TSC22D4: variants seen among roughly 807,000 people sequenced by gnomAD.
TSC22D4 encodes TSC22 domain family protein 4.
In TSC22D4, 5 loss-of-function variants were observed where a neutral mutation model predicts 24.9. The observed-to-expected ratio is 0.20, with a 90% confidence interval of 0.10 to 0.42. TSC22D4 has a LOEUF of 0.42. Among genes scored for constraint, TSC22D4 ranks in the 10% least tolerant of loss-of-function variants. The pLI, the probability that TSC22D4 is intolerant of heterozygous loss-of-function variation, is 1.00. For missense variants in TSC22D4, 469 were observed against 547.9 expected, an observed-to-expected ratio of 0.86 and a Z score of 1.44; for synonymous variants, 245 against 243.2, an observed-to-expected ratio of 1.01 and a Z score of -0.07.
At chr7:100,467,755 C>T (rs773270834) in intron 3 of TSC22D4, 155 bp from the exon 4 acceptor site, 22 of 827,988 alleles carry the variant, frequency 2.7e-5, no homozygotes, top group Middle Eastern at 4.4e-4. Flanking sequence ...GGTTGAAGGC[C>T]GCTGCCCAGG....
In TSC22D4 at chr7:100,466,630, C is replaced by T; in HGVS notation, c.*329G>A. The T allele has an allele frequency of 2.8e-6, 1 of 359,180 alleles. No homozygotes were observed. Among genetic ancestry groups the T allele is most frequent in the Non-Finnish European group, 5.1e-6 (1 of 197,572 alleles). The allele number at this position is 359,180 out of a possible 1,614,324, so 22.2% of individuals were successfully genotyped here. A position where few individuals can be genotyped will look rare whatever the true frequency, so the allele number is the denominator to read the frequency against. On this transcript the variant is annotated 3_prime_UTR_variant, in exon 5 of 5. Transcript: ENST00000300181. ...TCCCCTGGGCAGAGGAGAGGAGGCA[C>T]CTCAAGGGAACAAGATGGGGGTGGG...
intron 4 of TSC22D4, 76 bp from the exon 5 acceptor site, chr7:100,467,244 T>G (rs749793659): frequency 6.9e-7 from 1 of 1,441,452 alleles, no homozygotes; most frequent in South Asian, 1.1e-5. Context: ...AGGGCTGGGG[T>G]GGGAGACAGT....
intron 3 of TSC22D4, among the ~76,000 whole-genome samples, chr7:100,471,888 T>G (rs1020276288): frequency 6.6e-6 from 1 of 152,016 alleles, no homozygotes; most frequent in African/African-American, 2.4e-5. Context: ...GATAAATAAA[T>G]GTACCTTTTC....
Position 100,478,103 on chromosome 7 carries a change from G to A in TSC22D4, c.-65C>T. 4 of 1,410,520 alleles carry A rather than the reference G, an allele frequency of 2.8e-6. No homozygotes were observed. Among genetic ancestry groups the A allele is most frequent in the Non-Finnish European group, 3.8e-6 (4 of 1,045,224 alleles). The allele number at this position is 1,410,520 out of a possible 1,614,324, so 87.4% of individuals were successfully genotyped here. A position where few individuals can be genotyped will look rare whatever the true frequency, so the allele number is the denominator to read the frequency against. Reference sequence around the variant, plus strand: ...GTTGGGGCTCCTTGAAGGGGCTCAGGCACCCCTGGAACAAGGGGGCCACAT... The same window carrying A: ...GTTGGGGCTCCTTGAAGGGGCTCAGACACCCCTGGAACAAGGGGGCCACAT... On this transcript the variant is annotated 5_prime_UTR_variant, in exon 2 of 5. Transcript: ENST00000300181.
chr7:100,472,597 G>C (rs1238642079), intron 3 of TSC22D4, among the ~76,000 whole-genome samples: 1 of 152,102 alleles, frequency 6.6e-6, no homozygotes, highest in African/African-American at 2.4e-5. Flanking sequence ...GAAACGCTGA[G>C]AATAGCAGTG....
chr7:100,477,451 T>TG lies in TSC22D4; in HGVS notation c.587dup (p.Glu197ArgfsTer3), dbSNP rs749248777. 5 of 1,563,838 alleles carry TG rather than the reference T, an allele frequency of 3.2e-6. No individual in the cohort carries two copies. The highest frequency in any genetic ancestry group is 3.5e-6 in the Non-Finnish European group (4 of 1,155,752). On this transcript the variant is annotated frameshift_variant, in exon 2 of 5. Transcript: ENST00000300181. LOFTEE classifies it high-confidence loss of function. This position sits in a 1 kb window ranked among gnomAD's most constrained non-coding sequence, Gnocchi z 7.8. Reference sequence around the variant, plus strand: ...CCGCACTCTCACCGGTCTCAGGCTCTGGGGGGCGCTGCTGGGGTGAGGAGG... The same window carrying TG: ...CCGCACTCTCACCGGTCTCAGGCTCTGGGGGGGCGCTGCTGGGGTGAGGAGG...
chr7:100,477,232 G>A lies in TSC22D4; in HGVS notation c.762+45C>T, dbSNP rs1167408666. 1 of 1,403,408 alleles carries A rather than the reference G, an allele frequency of 7.1e-7. No individual in the cohort carries two copies. Among genetic ancestry groups the A allele is most frequent in the Non-Finnish European group, 9.4e-7 (1 of 1,068,244 alleles). The allele number at this position is 1,403,408 out of a possible 1,614,324, so 86.9% of individuals were successfully genotyped here. A position where few individuals can be genotyped will look rare whatever the true frequency, so the allele number is the denominator to read the frequency against. On this transcript the variant is annotated intron_variant, in intron 2 of 4. Coordinates refer to ENST00000300181, the MANE Select transcript of TSC22D4 (RefSeq NM_030935.5). This position sits in a 1 kb window ranked among gnomAD's most constrained non-coding sequence, Gnocchi z 7.8. ...GAGGAGGAAGGAGGCTCAAGATAGA[G>A]GTTAGGCCAGGGCTGATGGGCCAGC... is the stretch of plus-strand genomic sequence containing the variant.
intron 3 of TSC22D4, chr7:100,468,158 A>G: frequency 3.8e-6 from 1 of 263,724 alleles, no homozygotes; most frequent in Non-Finnish European, 7.9e-6. Context: ...GGACACGGGG[A>G]CCCCCCCTCC....
intron 3 of TSC22D4, among the ~76,000 whole-genome samples, chr7:100,468,486 T>C (rs1032720918): frequency 3.3e-5 from 5 of 152,166 alleles, no homozygotes; most frequent in Non-Finnish European, 4.4e-5. Context: ...TGGTCTTCCA[T>C]AGATCATGAG....
chr7:100,473,598 C>T (rs910707483), intron 3 of TSC22D4, among the ~76,000 whole-genome samples: 5 of 151,650 alleles, frequency 3.3e-5, no homozygotes, highest in Non-Finnish European at 5.9e-5. Flanking sequence ...CGTACCACCA[C>T]GCCTGGCTAA....
At chr7:100,469,224 T>C (rs1799348714) in intron 3 of TSC22D4, among the ~76,000 whole-genome samples, 1 of 136,878 alleles carries the variant, frequency 7.3e-6, no homozygotes, top group Non-Finnish European at 1.6e-5. Flanking sequence ...CAAAACTCTG[T>C]CTTAAAAAAA....
Position 100,466,665 on chromosome 7 carries a change from G to C in TSC22D4, c.*294C>G. On this transcript the variant is annotated 3_prime_UTR_variant, in exon 5 of 5. Transcript: ENST00000300181. Reference sequence around the variant, plus strand: ...ACAAGATGGGGGTGGGGTGTCTGCCGGGGAGCCTCCGACTCCCCCAAGCCG... The same window carrying C: ...ACAAGATGGGGGTGGGGTGTCTGCCCGGGAGCCTCCGACTCCCCCAAGCCG... 2.3e-6 allele frequency: 1 copy of C among 432,666 alleles called. No homozygotes were observed. Among genetic ancestry groups the C allele is most frequent in the Non-Finnish European group, 4.1e-6 (1 of 242,408 alleles). 26.8% of individuals were successfully genotyped at this position (432,666 alleles called of 1,614,324 possible). A position where few individuals can be genotyped will look rare whatever the true frequency, so the allele number is the denominator to read the frequency against.
At chr7:100,472,652 G>A (rs1421228465) in intron 3 of TSC22D4, among the ~76,000 whole-genome samples, 1 of 151,952 alleles carries the variant, frequency 6.6e-6, no homozygotes, top group Admixed American at 6.6e-5. Context: ...CTCACACCTC[G>A]CACATTCCTG....
chr7:100,468,162 C>G (rs978083070), intron 3 of TSC22D4: 1 of 313,344 alleles, frequency 3.2e-6, no homozygotes, highest in Admixed American at 4.8e-5. Flanking sequence ...ACGGGGACCC[C>G]CCCTCCTTTC....
intron 3 of TSC22D4, among the ~76,000 whole-genome samples, chr7:100,471,115 G>T (rs1483342890): frequency 6.6e-6 from 1 of 152,066 alleles, no homozygotes; most frequent in East Asian, 1.9e-4. Flanking sequence ...CTCTCCAGTG[G>T]GTTCAGGGGA....
Position 100,477,189 on chromosome 7 carries a change from GGA to G in TSC22D4, c.762+86_762+87del, listed in dbSNP as rs1481143093. 15 of 1,068,824 alleles carry G rather than the reference GGA, an allele frequency of 1.4e-5. No individual in the cohort carries two copies. The highest frequency in any genetic ancestry group is 1.9e-5 in the Non-Finnish European group (15 of 792,544). 66.2% of individuals were successfully genotyped at this position (1,068,824 alleles called of 1,614,324 possible). A position where few individuals can be genotyped will look rare whatever the true frequency, so the allele number is the denominator to read the frequency against. On this transcript the variant is annotated intron_variant, in intron 2 of 4. Transcript: ENST00000300181. This position sits in a 1 kb window ranked among gnomAD's most constrained non-coding sequence, Gnocchi z 7.8. ...GATCTTATAAAGTGATGGAGAAGGA[GGA>G]GGAGAGGGGGGGGAGGAGGAGGAAG...
intron 3 of TSC22D4, chr7:100,468,113 C>T (rs376662204): frequency 1.7e-5 from 6 of 349,890 alleles, no homozygotes; most frequent in African/African-American, 4.4e-5. Flanking sequence ...CACCACCCCC[C>T]CAAGGGCAAG....
In TSC22D4 at chr7:100,467,308, C is replaced by T. The variant is rs942178407; in HGVS notation, c.979-140G>A. On this transcript the variant is annotated intron_variant, in intron 4 of 4. Transcript: ENST00000300181. ...GCAGGGAAGGGACAGGGGAAAAGGA[C>T]GAGGGACAGAGGCAGAGTCAGGGCT... The T allele has an allele frequency of 7.4e-5, 73 of 989,124 alleles. 1 individual carries two copies. Among genetic ancestry groups the T allele is most frequent in the South Asian group, 5.2e-4 (38 of 73,058 alleles). 61.3% of individuals were successfully genotyped at this position (989,124 alleles called of 1,614,324 possible).
chr7:100,476,467 A>C (rs1799498325), intron 2 of TSC22D4, among the ~76,000 whole-genome samples: 1 of 152,174 alleles, frequency 6.6e-6, no homozygotes, highest in South Asian at 2.1e-4. Flanking sequence ...AGAAGTATCC[A>C]ACCTTCTATC....
Sources: allele counts gnomAD v4.1 joint callset (sites outside exome capture counted in the v4.1 genomes callset), GRCh38; gene constraint gnomAD v4.1.1; non-coding constraint Gnocchi (gnomAD v3.1); transcripts MANE v1.5; gene names NCBI Gene and HGNC (gene_info 2026-07-23, HGNC 2026-07-21).